The following ADAM12 variants were observed in gnomAD, a reference collection of about 807,000 sequenced individuals.
ADAM12 encodes ADAM metallopeptidase domain 12.
A neutral mutation model predicts 106.4 loss-of-function variants in ADAM12; 70 were observed. The observed-to-expected ratio is 0.66, with a 90% CI of 0.54 to 0.80. The LOEUF (loss-of-function observed/expected upper bound fraction) is 0.80. Among genes scored for constraint, ADAM12 ranks in the 30% least tolerant of loss-of-function variants. The probability of loss-of-function intolerance (pLI) is 0.00; values close to 1 mark genes in which losing one functional copy is unlikely to be tolerated. For missense variants in ADAM12, 1,010 were observed against 1,171.9 expected (o/e 0.86, Z 2.02); for synonymous variants, 420 against 433.5 (o/e 0.97, Z 0.39).
chr10:126,155,787 A>G (rs1425675667), intron 3 of ADAM12, among the ~76,000 whole-genome samples: 2 of 152,208 alleles, frequency 1.3e-5, no homozygotes, highest in Non-Finnish European at 2.9e-5. Flanking sequence ...GCTCCCCCGC[A>G]GGTGAGAGAA....
chr10:126,266,320 C>T (rs10794076), intron 3 of ADAM12, among the ~76,000 whole-genome samples: 73,004 of 151,900 alleles, frequency 0.48, 17,861 homozygotes, highest in Non-Finnish European at 0.53. Flanking sequence ...CAGGGTGGGA[C>T]GAGGCAGGGT....
intron 5 of ADAM12, chr10:126,135,289 A>G (rs1956384215): frequency 7.9e-6 from 3 of 377,838 alleles, no homozygotes; most frequent in East Asian, 4.2e-5. Flanking sequence ...ATAAATGGAA[A>G]ATAATTCACA....
intron 2 of ADAM12, among the ~76,000 whole-genome samples, chr10:126,279,720 T>G (rs1291083717): frequency 1.1e-5 from 1 of 89,170 alleles, no homozygotes; most frequent in Non-Finnish European, 2.7e-5. Context: ...AGAGCGAAAC[T>G]TCGTCTCAAA....
At position 126,319,666 on chromosome 10, in the gene ADAM12, G is replaced by T. The variant is rs141105424; in HGVS notation, c.186+10746C>A. Among the ~76,000 whole-genome samples the T allele has an allele frequency of 9.1e-4, 139 of 152,236 alleles. 2 individuals carry two copies. The South Asian group carries it at 0.021, about 23-fold the overall frequency. The stretch of plus-strand genomic sequence containing the variant: ...TGAACCATCAGAAAACGAACATTGA[G>T]TCAAAGCTAAGAAAATCAGAATAAG... On this transcript the variant is annotated intron_variant, in intron 2 of 22. Coordinates refer to ENST00000448723, the MANE Select transcript of ADAM12 (RefSeq NM_001288973.2).
At chr10:126,038,678 A>C (rs1439049721) in intron 19 of ADAM12, among the ~76,000 whole-genome samples, 1 of 152,204 alleles carries the variant, frequency 6.6e-6, no homozygotes, top group Non-Finnish European at 1.5e-5. Flanking sequence ...ATCTGATGAA[A>C]ATATTTCAAT....
At chr10:126,202,039 T>A (rs953249578) in intron 3 of ADAM12, among the ~76,000 whole-genome samples, 8 of 152,220 alleles carry the variant, frequency 5.3e-5, no homozygotes, top group African/African-American at 1.9e-4. Flanking sequence ...GCACAGGATG[T>A]ACAGCACCAG....
chr10:126,177,052 ACACACG>A (rs573863463), intron 3 of ADAM12, among the ~76,000 whole-genome samples: 1,737 of 151,758 alleles, frequency 0.011, 44 homozygotes, highest in African/African-American at 0.039. Context: ...GCACACACAC[ACACACG>A]CACACACACA....
At chr10:126,138,009 C>G (rs1956437842) in intron 4 of ADAM12, among the ~76,000 whole-genome samples, 1 of 152,214 alleles carries the variant, frequency 6.6e-6, no homozygotes, top group Non-Finnish European at 1.5e-5. Context: ...ATTTTACATT[C>G]CTGTGAGCAT....
rs1362953828 is a variant in ADAM12, at chr10:126,061,306, T to C, written c.1609+3500A>G. ...ACCACATATATTACATGGAATAGAT[T>C]ATAGGCTATGTTGGAGCATAACAGA... On this transcript the variant is annotated intron_variant, in intron 14 of 22. Transcript: ENST00000448723. Among the ~76,000 whole-genome samples the C allele has an allele frequency of 3.3e-5, 5 of 152,358 alleles. No homozygotes were observed. In the South Asian group the frequency reaches 1.0e-3, roughly 32 times the overall value.
intron 21 of ADAM12, among the ~76,000 whole-genome samples, chr10:126,027,709 A>T (rs1390087813): frequency 1.3e-5 from 2 of 152,206 alleles, no homozygotes; most frequent in Non-Finnish European, 2.9e-5. Flanking sequence ...TTAAAGGAAC[A>T]TACCTCAAAA....
At chr10:126,152,002 T>C (rs969335986) in intron 4 of ADAM12, among the ~76,000 whole-genome samples, 14 of 125,582 alleles carry the variant, frequency 1.1e-4, no homozygotes, top group Non-Finnish European at 8.3e-5. Flanking sequence ...TCATCTTCCC[T>C]CTTGAGTTTT....
At chr10:126,077,804 C>A (rs1222879767) in intron 11 of ADAM12, among the ~76,000 whole-genome samples, 2 of 152,024 alleles carry the variant, frequency 1.3e-5, no homozygotes, top group Admixed American at 6.5e-5. Context: ...CCCTTATTCC[C>A]CCACCTTTTT....
intron 1 of ADAM12, among the ~76,000 whole-genome samples, chr10:126,348,434 A>G (rs779229151): frequency 6.6e-6 from 1 of 152,174 alleles, no homozygotes; most frequent in East Asian, 1.9e-4. Context: ...ATATGGAAAG[A>G]GAATGGGCCC....
chr10:126,186,388 G>T (rs1479529686), intron 3 of ADAM12, among the ~76,000 whole-genome samples: 2 of 152,210 alleles, frequency 1.3e-5, no homozygotes, highest in Non-Finnish European at 2.9e-5. Flanking sequence ...GTCTGGGTCT[G>T]CCTGGCTGGG....
At chr10:126,078,396 C>T (rs1190361306) in intron 11 of ADAM12, among the ~76,000 whole-genome samples, 4 of 152,130 alleles carry the variant, frequency 2.6e-5, no homozygotes, top group African/African-American at 9.7e-5. Flanking sequence ...ATCTCATTTC[C>T]TCTCCAGCCG....
intron 2 of ADAM12, 98 bp downstream of exon 2, chr10:126,330,314 G>A: frequency 2.9e-6 from 3 of 1,031,846 alleles, no homozygotes; most frequent in Non-Finnish European, 4.3e-6. Context: ...TAGCATTAAA[G>A]TGAGTAGAGA....
chr10:126,226,985 C>T (rs1046918109), intron 3 of ADAM12, among the ~76,000 whole-genome samples: 2 of 152,128 alleles, frequency 1.3e-5, no homozygotes, highest in Non-Finnish European at 2.9e-5. Flanking sequence ...AACTGCTTAT[C>T]GTACAGCAGA....
chr10:126,302,524 C>T (rs925809347), intron 2 of ADAM12, among the ~76,000 whole-genome samples: 4 of 152,062 alleles, frequency 2.6e-5, no homozygotes, highest in African/African-American at 9.7e-5. Context: ...AAGATTTCAC[C>T]CCTTTCGTGA....
chr10:126,022,364 C>G (rs1384180415), intron 21 of ADAM12, among the ~76,000 whole-genome samples: 2 of 152,204 alleles, frequency 1.3e-5, no homozygotes, highest in African/African-American at 4.8e-5. Flanking sequence ...TCTGCTTCCT[C>G]CAGCCATGGC....
Sources: allele counts gnomAD v4.1 joint callset (sites outside exome capture counted in the v4.1 genomes callset), GRCh38; gene constraint gnomAD v4.1.1; transcripts MANE v1.5; gene names NCBI Gene and HGNC (gene_info 2026-07-23, HGNC 2026-07-21).